VPS53: variants seen among roughly 807,000 people sequenced by gnomAD.
The protein encoded by VPS53 is VPS53 subunit of GARP complex.
VPS53 carries 70 observed loss-of-function variants against 107.0 expected under a neutral mutation model. That is an observed-to-expected ratio of 0.65 (90% CI 0.54 to 0.80). The LOEUF (loss-of-function observed/expected upper bound fraction) is 0.80. VPS53 is among the 30% of genes least tolerant of loss of function. VPS53 has a pLI of 0.00. For synonymous variants in VPS53, 409 were observed against 393.3 expected (o/e 1.04, Z -0.47); for missense variants, 917 against 1,049.4 (o/e 0.87, Z 1.74).
chr17:707,552 T>C (rs1011491398), intron 2 of VPS53, among the ~76,000 whole-genome samples: 3 of 145,858 alleles, frequency 2.1e-5, no homozygotes, highest in African/African-American at 7.6e-5. Context: ...AAATCAGTTC[T>C]GTGAAAAATA....
chr17:572,318 T>C (rs1597321732), intron 13 of VPS53, among the ~76,000 whole-genome samples: 1 of 146,104 alleles, frequency 6.8e-6, no homozygotes, highest in Non-Finnish European at 1.5e-5. Flanking sequence ...AACCGCCCCG[T>C]CTGAGAAGTG....
At chr17:693,184 C>G (rs1351589451) in intron 4 of VPS53, among the ~76,000 whole-genome samples, 1 of 152,098 alleles carries the variant, frequency 6.6e-6, no homozygotes, top group African/African-American at 2.4e-5. Flanking sequence ...CTGGGTATAG[C>G]CTAGCAGCCA....
At chr17:636,081 GGT>G (rs1293136509) in intron 7 of VPS53, among the ~76,000 whole-genome samples, 32 of 152,168 alleles carry the variant, frequency 2.1e-4, no homozygotes, top group African/African-American at 7.5e-4. Flanking sequence ...ATTGAGCAGT[GGT>G]TTGTAGTTCT....
chr17:667,226 C>T lies in VPS53; in HGVS notation c.286-5331G>A, dbSNP rs889189955. On this transcript the variant is annotated intron_variant, in intron 4 of 21. Coordinates refer to ENST00000437048, the MANE Select transcript of VPS53 (RefSeq NM_001128159.3). The stretch of plus-strand genomic sequence containing the variant: ...CAATGGCAGAGATAAATAGTTACAA[C>T]AGAGACCATATGGTCAGTAAAGGCT... Among the ~76,000 whole-genome samples, 24 of 152,118 alleles carry T rather than the reference C, an allele frequency of 1.6e-4. 1 individual carries two copies. Among genetic ancestry groups the T allele is most frequent in the African/African-American group, 5.8e-4 (24 of 41,420 alleles).
At chr17:654,828 CTGGTCTTACCACCGCCCAGTCT>C (rs2143519320) in intron 6 of VPS53, among the ~76,000 whole-genome samples, 1 of 152,224 alleles carries the variant, frequency 6.6e-6, no homozygotes, top group South Asian at 2.1e-4. Context: ...TTACCACCGC[CTGGTCTTACCACCGCCCAGTCT>C]TACCACTGCC....
At chr17:525,667 C>G (rs968718783) in intron 19 of VPS53, among the ~76,000 whole-genome samples, 4 of 151,526 alleles carry the variant, frequency 2.6e-5, no homozygotes, top group Non-Finnish European at 5.9e-5. Context: ...GCACCCCAGC[C>G]TGGGAGACAG....
intron 7 of VPS53, among the ~76,000 whole-genome samples, chr17:636,972 G>A (rs1210667757): frequency 6.6e-6 from 1 of 152,168 alleles, no homozygotes; most frequent in African/African-American, 2.4e-5. Flanking sequence ...CTATTGATTG[G>A]AATAGTTTCA....
At chr17:616,307 T>C (rs1246750647) in intron 11 of VPS53, 1 of 152,038 alleles carries the variant, frequency 6.6e-6, no homozygotes, top group East Asian at 1.9e-4. Context: ...GCTGACTAAA[T>C]AGAGAGGGAA....
intron 11 of VPS53, among the ~76,000 whole-genome samples, chr17:618,189 C>T (rs866252039): frequency 9.1e-4 from 75 of 82,134 alleles, no homozygotes; most frequent in Non-Finnish European, 1.5e-3. Flanking sequence ...GTAGCTGGGA[C>T]TACAGGCGTG....
intron 13 of VPS53, among the ~76,000 whole-genome samples, chr17:563,862 A>C (rs1913247309): frequency 6.6e-6 from 1 of 152,212 alleles, no homozygotes; most frequent in Non-Finnish European, 1.5e-5. Flanking sequence ...AAACAAAGAG[A>C]AACTGTGAAA....
intron 13 of VPS53, among the ~76,000 whole-genome samples, chr17:572,227 C>T (rs1164339470): frequency 6.0e-5 from 9 of 151,052 alleles, no homozygotes; most frequent in East Asian, 1.9e-4. Context: ...CGCCTCTGCC[C>T]GGCCGCGACC....
intron 11 of VPS53, among the ~76,000 whole-genome samples, chr17:612,523 C>T (rs961498061): frequency 1.5e-5 from 2 of 136,710 alleles, no homozygotes; most frequent in East Asian, 2.3e-4. Flanking sequence ...AAAACCTGTA[C>T]AAATATTCAC....
chr17:600,989 G>C (rs1230316397), intron 12 of VPS53: 1 of 152,256 alleles, frequency 6.6e-6, no homozygotes, highest in East Asian at 1.9e-4. Flanking sequence ...GTGGTGCTGG[G>C]AAAGAATGAA....
At chr17:704,099 T>C (rs1266602787) in intron 2 of VPS53, among the ~76,000 whole-genome samples, 1 of 152,228 alleles carries the variant, frequency 6.6e-6, no homozygotes, top group Non-Finnish European at 1.5e-5. Context: ...GTTAGTTTTG[T>C]ATTAGTTTTC....
chr17:653,622 G>A (rs1320317526), intron 6 of VPS53, among the ~76,000 whole-genome samples: 1 of 152,192 alleles, frequency 6.6e-6, no homozygotes, highest in South Asian at 2.1e-4. Flanking sequence ...AAGGGAGAGA[G>A]TCAAGTACAC....
At chr17:685,965 C>T (rs990518690) in intron 4 of VPS53, among the ~76,000 whole-genome samples, 1 of 151,742 alleles carries the variant, frequency 6.6e-6, no homozygotes, top group Non-Finnish European at 1.5e-5. Context: ...GCTATGCACG[C>T]CACACTCCAG....
chr17:626,007 A>T (rs1376279883), intron 10 of VPS53, among the ~76,000 whole-genome samples: 3 of 152,212 alleles, frequency 2.0e-5, no homozygotes, highest in Non-Finnish European at 4.4e-5. Flanking sequence ...GTTCAAGACC[A>T]GCCCGAACAA....
At chr17:563,444 C>A (rs1185590020) in intron 13 of VPS53, among the ~76,000 whole-genome samples, 1 of 152,084 alleles carries the variant, frequency 6.6e-6, no homozygotes, top group Non-Finnish European at 1.5e-5. Flanking sequence ...TACAGGCACA[C>A]GCCACCATGC....
intron 15 of VPS53, among the ~76,000 whole-genome samples, chr17:555,844 A>G (rs78095227): frequency 1.0e-3 from 155 of 152,354 alleles, no homozygotes; most frequent in Non-Finnish European, 1.7e-3. Context: ...ATACGAGACA[A>G]AGTAAAATGT....
Sources: gnomAD v4.1 joint callset for allele counts (sites outside exome capture counted in the v4.1 genomes callset) on GRCh38, gnomAD v4.1.1 for gene constraint, MANE v1.5 for transcripts, NCBI Gene and HGNC (gene_info 2026-07-23, HGNC 2026-07-21) for gene names.